The following MAT1A variants were observed in gnomAD, a reference collection of about 807,000 sequenced individuals.
MAT1A encodes methionine adenosyltransferase 1A.
Under a neutral mutation model 44.0 loss-of-function variants are expected in MAT1A, and 19 were observed. That is an observed-to-expected ratio of 0.43 (90% confidence interval 0.30 to 0.63). The LOEUF (loss-of-function observed/expected upper bound fraction) is 0.63, where lower values mean the gene tolerates loss of function less well. Among genes scored for constraint, MAT1A ranks in the 30% least tolerant of loss-of-function variants. The pLI is 0.12. For synonymous variants in MAT1A, 205 were observed against 205.6 expected (o/e 1.00, Z 0.03); for missense variants, 397 against 531.0 (o/e 0.75, Z 2.48).
At chr10:80,289,297 G>T (rs774685616) in intron 1 of MAT1A, 36 bp downstream of exon 1, 3 of 1,549,760 alleles carry the variant, frequency 1.9e-6, no homozygotes, top group African/African-American at 2.7e-5. Flanking sequence ...GGCTTGGAAT[G>T]ATCGTTTTCC....
At position 80,272,887 on chromosome 10, in the gene MAT1A, G is replaced by T. The variant is rs934387525; in HGVS notation, c.*894C>A. 3.3e-5 allele frequency: 5 copies of T among 152,258 alleles called. No individual in the cohort carries two copies. The highest frequency in any genetic ancestry group is 4.8e-5 in the African/African-American group (2 of 41,460). The allele number at this position is 152,258 out of a possible 1,614,324, so 9.4% of individuals were successfully genotyped here. A position where few individuals can be genotyped will look rare whatever the true frequency, so the allele number is the denominator to read the frequency against. ...ATGAAGCAAACAAAATAGCCCTGTG[G>T]TTCTGTCTTCACTTTTCAGACAATT... is the stretch of plus-strand genomic sequence containing the variant. On this transcript the variant is annotated 3_prime_UTR_variant, in exon 9 of 9. Coordinates refer to ENST00000372213, the MANE Select transcript of MAT1A (RefSeq NM_000429.3).
rs893100829 is a variant in MAT1A at position 80,289,601 on chromosome 10, G to C, written c.-178C>G. On this transcript the variant is annotated 5_prime_UTR_variant, in exon 1 of 9. Coordinates refer to ENST00000372213, the MANE Select transcript of MAT1A (RefSeq NM_000429.3). ...GAGCACGTGAGAACAGGCGAGGACT[G>C]CTGAGAAGGGAGGGAGTGGATGGAA... is the stretch of plus-strand genomic sequence containing the variant. 1.5e-4 allele frequency: 97 copies of C among 658,990 alleles called. No individual in the cohort carries two copies. The highest frequency in any genetic ancestry group is 2.4e-4 in the Non-Finnish European group (86 of 361,154). The allele number at this position is 658,990 out of a possible 1,614,324, so 40.8% of individuals were successfully genotyped here.
At position 80,275,126 on chromosome 10, in the gene MAT1A, G is replaced by A; in HGVS notation, c.842C>T (p.Ala281Val). 1 of 1,612,256 alleles carries A rather than the reference G, an allele frequency of 6.2e-7. No homozygotes were observed. Among genetic ancestry groups the A allele is most frequent in the Non-Finnish European group, 8.5e-7 (1 of 1,179,346 alleles). The change falls in exon 7 of 9, where the codon GCC (alanine) becomes GTC (valine). Residue 281 changes from alanine (A) to valine (V), a missense_variant. By Grantham distance (64) the Ala-to-Val change is moderately conservative. Coordinates refer to ENST00000372213, the MANE Select transcript of MAT1A (RefSeq NM_000429.3). ...YGGWGAHGGG[A>V]FSGKDYTKVD... is the part of the protein sequence containing the mutation. ...CTTGGTGTAGTCCTTCCCAGAGAAG[G>A]CCCCACCACCATGAGCCCCCCAGCC...
chr10:80,274,629 C>T lies in MAT1A; in HGVS notation c.976G>A (p.Glu326Lys), dbSNP rs201707737. 117 of 1,614,150 alleles carry T rather than the reference C, an allele frequency of 7.2e-5. No homozygotes were observed. Among genetic ancestry groups the T allele is most frequent in the Middle Eastern group, 1.6e-4 (1 of 6,062 alleles). Residue 326 changes from glutamate (E) to lysine (K), a missense_variant, in exon 8 of 9, where the codon GAG (glutamate) becomes AAG (lysine). Transcript: ENST00000372213. ...GTGAAGATGGAAATGGACAGCGGCT[C>T]GGCCACACCAATGGCATAGGAAACC... ...VQVSYAIGVA[E>K]PLSISIFTYG... is the part of the protein sequence containing the mutation.
Position 80,275,031 on chromosome 10 carries a change from T to G in MAT1A, c.937A>C (p.Arg313=). 6.4e-7 allele frequency: 1 copy of G among 1,554,244 alleles called. No homozygotes were observed. Among genetic ancestry groups the G allele is most frequent in the Non-Finnish European group, 8.7e-7 (1 of 1,149,508 alleles). The part of the protein sequence containing the change: ...KSLVKAGLCR[R]VLVQVSYAIG... ...AGGGGGCTTACCTGGACAAGCACTCTCCGGCAGAGCCCTGCTTTCACCAGA... is the reference window on the plus strand; with the variant it reads ...AGGGGGCTTACCTGGACAAGCACTCGCCGGCAGAGCCCTGCTTTCACCAGA... Residue 313 remains arginine, a synonymous_variant, in exon 7 of 9, where the codon AGA becomes CGA. Transcript: ENST00000372213.
chr10:80,283,477 C>A (rs1841596141), intron 3 of MAT1A, among the ~76,000 whole-genome samples: 1 of 152,250 alleles, frequency 6.6e-6, no homozygotes, highest in African/African-American at 2.4e-5. Flanking sequence ...CTAGTGGCTG[C>A]TTACCCTGTG....
At position 80,275,211 on chromosome 10, in the gene MAT1A, G is replaced by A. The variant is rs1442969180; in HGVS notation, c.769-12C>T. On this transcript the variant is annotated splice_polypyrimidine_tract_variant and intron_variant, in intron 6 of 8. Transcript: ENST00000372213. ...ACACCCGCATCCCCCTGCAGAGGGA[G>A]AGAAATCAAGATAAGAAGCAGAGCC... is the stretch of plus-strand genomic sequence containing the variant. 11 of 1,608,744 alleles carry A rather than the reference G, an allele frequency of 6.8e-6. No homozygotes were observed. Among genetic ancestry groups the A allele is most frequent in the South Asian group, 2.2e-5 (2 of 90,694 alleles).
chr10:80,273,733 G>A lies in MAT1A; in HGVS notation c.*48C>T, dbSNP rs1287529910. ...CCAGGCGTCTGGGGAAGAGGAGCAT[G>A]GCCACCAGGTGCCTCCAGGGTGAGA... is the stretch of plus-strand genomic sequence containing the variant. On this transcript the variant is annotated 3_prime_UTR_variant, in exon 9 of 9. Coordinates refer to ENST00000372213, the MANE Select transcript of MAT1A (RefSeq NM_000429.3). 1 of 1,348,380 alleles carries A rather than the reference G, an allele frequency of 7.4e-7. No individual in the cohort carries two copies. Among genetic ancestry groups the A allele is most frequent in the Non-Finnish European group, 1.1e-6 (1 of 940,198 alleles). 83.5% of individuals were successfully genotyped at this position (1,348,380 alleles called of 1,614,324 possible).
At chr10:80,283,668 G>A (rs886454613) in intron 3 of MAT1A, among the ~76,000 whole-genome samples, 1 of 152,254 alleles carries the variant, frequency 6.6e-6, no homozygotes, top group African/African-American at 2.4e-5. Context: ...GCGCCAAGAA[G>A]GCAAGGCCTA....
intron 7 of MAT1A, 124 bp downstream of exon 7, chr10:80,274,893 C>T (rs1841462274): frequency 7.6e-7 from 1 of 1,322,232 alleles, no homozygotes; most frequent in South Asian, 1.3e-5. Flanking sequence ...CCAACACAAT[C>T]ACACAATCAC....
rs1841555750 is a variant in MAT1A, at chr10:80,280,732, G to A, written c.353C>T (p.Ala118Val). ...ATTTCTGTCCAGATGGACGCACTGG[G>A]CAATATCTGGGGATTGCTGCTCCAA... The part of the protein sequence containing the change: ...VALEQQSPDI[A>V]QCVHLDRNEE... Residue 118 changes from alanine (A) to valine (V), a missense_variant, in exon 4 of 9, where the codon GCC becomes GTC. Ala to Val is a moderately conservative substitution (Grantham distance 64). Coordinates refer to ENST00000372213, the MANE Select transcript of MAT1A (RefSeq NM_000429.3). The A allele has an allele frequency of 6.2e-7, 1 of 1,614,044 alleles. No individual in the cohort carries two copies. The highest frequency in any genetic ancestry group is 1.1e-5 in the South Asian group (1 of 91,086).
chr10:80,275,342 G>A, intron 6 of MAT1A, 143 bp from the exon 7 acceptor site: 1 of 753,116 alleles, frequency 1.3e-6, no homozygotes, highest in South Asian at 1.5e-5. Flanking sequence ...AGACCCCTTA[G>A]CCCAGAACTC....
Position 80,280,330 on chromosome 10 carries a change from G to A in MAT1A, c.406-14C>T, listed in dbSNP as rs759858078. 5.6e-6 allele frequency: 9 copies of A among 1,613,566 alleles called. No individual in the cohort carries two copies. The highest frequency in any genetic ancestry group is 1.1e-5 in the South Asian group (1 of 91,050). On this transcript the variant is annotated splice_polypyrimidine_tract_variant and intron_variant, in intron 4 of 8. Transcript: ENST00000372213. The stretch of plus-strand genomic sequence containing the variant: ...GAACATCAAACCCTGTGGCGAGAGA[G>A]CAGGCTGAGCGGCGCCCACCCTAGA...
At chr10:80,282,570 C>T (rs896932472) in intron 3 of MAT1A, among the ~76,000 whole-genome samples, 21 of 152,150 alleles carry the variant, frequency 1.4e-4, no homozygotes, top group African/African-American at 4.8e-4. Context: ...GAACAGGCTC[C>T]GTGTGGTAAC....
intron 6 of MAT1A, chr10:80,275,544 C>A: frequency 5.4e-6 from 2 of 367,530 alleles, no homozygotes; most frequent in South Asian, 2.7e-5. Context: ...ATAAATACAA[C>A]CCTGGCTGGT....
intron 7 of MAT1A, 23 bp downstream of exon 7, chr10:80,274,994 G>A (rs769151648): frequency 5.9e-5 from 91 of 1,549,398 alleles, no homozygotes; most frequent in Non-Finnish European, 7.2e-5. Context: ...GCAACAGGAC[G>A]GTGGTGGGTG....
At position 80,284,034 on chromosome 10, in the gene MAT1A, T is replaced by C. The variant is rs146794319; in HGVS notation, c.174A>G (p.Thr58=). Residue 58 remains threonine, a synonymous_variant, in exon 3 of 9, where the codon ACA becomes ACG. Transcript: ENST00000372213. The part of the protein sequence containing the change: ...QDPNAKVACE[T]VCKTGMVLLC... Reference sequence around the variant, plus strand: ...GCAGCACCATGCCGGTCTTGCACACTGTCTCTGAAAGGGAGCGGGGAGCGA... The same window carrying C: ...GCAGCACCATGCCGGTCTTGCACACCGTCTCTGAAAGGGAGCGGGGAGCGA... The C allele has an allele frequency of 6.2e-5, 100 of 1,614,120 alleles. No individual in the cohort carries two copies. In the African/African-American group the frequency reaches 1.1e-3, roughly 18 times the overall value.
chr10:80,275,161 G>A lies in MAT1A; in HGVS notation c.807C>T (p.Asp269=), dbSNP rs753614972. Residue 269 remains aspartate, a synonymous_variant, in exon 7 of 9, where the codon GAC becomes GAT. Coordinates refer to ENST00000372213, the MANE Select transcript of MAT1A (RefSeq NM_000429.3). The stretch of plus-strand genomic sequence containing the variant: ...CATGAGCCCCCCAGCCGCCATAGGT[G>A]TCCACAATAATCTTACGGCCAGTGA... ...AGVTGRKIIV[D]TYGGWGAHGG... The A allele has an allele frequency of 1.2e-6, 2 of 1,613,606 alleles. No homozygotes were observed. The highest frequency in any genetic ancestry group is 2.7e-5 in the African/African-American group (2 of 75,008).
At position 80,285,658 on chromosome 10, in the gene MAT1A, A is replaced by C. The variant is rs934536810; in HGVS notation, c.92-69T>G. On this transcript the variant is annotated intron_variant, in intron 1 of 8. Coordinates refer to ENST00000372213, the MANE Select transcript of MAT1A (RefSeq NM_000429.3). ...GATAACAAATTGAAATCTTAAAATA[A>C]TTAGATATCGACTTTTCAGTTTACA... 2.6e-5 allele frequency: 27 copies of C among 1,055,134 alleles called. No homozygotes were observed. The African/African-American group carries it at 4.1e-4, about 16-fold the overall frequency. 65.4% of individuals were successfully genotyped at this position (1,055,134 alleles called of 1,614,324 possible).
Sources: allele counts gnomAD v4.1 joint callset (sites outside exome capture counted in the v4.1 genomes callset), GRCh38; gene constraint gnomAD v4.1.1; transcripts MANE v1.5; gene names NCBI Gene and HGNC (gene_info 2026-07-23, HGNC 2026-07-21).